The following C6orf163 variants were observed in gnomAD, a reference collection of about 807,000 sequenced individuals.
The protein encoded by C6orf163 is chromosome 6 open reading frame 163, also known as uncharacterized protein C6orf163.
Under a neutral mutation model 28.4 loss-of-function variants are expected in C6orf163, and 22 were observed. The ratio of observed to expected loss-of-function variants is 0.78; its 90% CI spans 0.55 to 1.11. The LOEUF (loss-of-function observed/expected upper bound fraction) is 1.11. Among genes scored for constraint, C6orf163 ranks in the 50% least tolerant of loss-of-function variants. C6orf163 has a pLI of 0.00. For synonymous variants in C6orf163, 110 were observed against 123.6 expected (o/e 0.89, Z 0.73); for missense variants, 342 against 389.1 (o/e 0.88, Z 1.02).
At chr6:87,354,970 A>G (rs1430989792) in intron 3 of C6orf163, among the ~76,000 whole-genome samples, 2 of 152,248 alleles carry the variant, frequency 1.3e-5, no homozygotes, top group Non-Finnish European at 2.9e-5. Context: ...AAGGGAGTTG[A>G]GCAATCTTCA....
At position 87,350,441 on chromosome 6, in the gene C6orf163, A is replaced by C; in HGVS notation, c.291A>C (p.Ala97=). The stretch of plus-strand genomic sequence containing the variant: ...CAGTGGAGAAAGCACTTGAAGAAGC[A>C]AATGACAGACACAAAATTGAAATTC... ...KQAVEKALEE[A]NDRHKIEIQI... is the part of the protein sequence containing the mutation. Residue 97 remains alanine, a synonymous_variant, in exon 3 of 5, where the codon GCA becomes GCC. Transcript: ENST00000388923. 6.5e-7 allele frequency: 1 copy of C among 1,536,396 alleles called. No individual in the cohort carries two copies. Among genetic ancestry groups the C allele is most frequent in the Non-Finnish European group, 8.7e-7 (1 of 1,146,514 alleles).
chr6:87,365,086 A>G lies in C6orf163; in HGVS notation c.680A>G (p.Gln227Arg), dbSNP rs1777626643. 6.4e-7 allele frequency: 1 copy of G among 1,552,048 alleles called. No individual in the cohort carries two copies. Among genetic ancestry groups the G allele is most frequent in the South Asian group, 1.2e-5 (1 of 84,062 alleles). Residue 227 changes from glutamine to arginine, a missense_variant, in exon 5 of 5, where the codon CAG (glutamine) becomes CGG (arginine). Coordinates refer to ENST00000388923, the MANE Select transcript of C6orf163 (RefSeq NM_001010868.3). The part of the protein sequence containing the change: ...MSILYGIAQR[Q>R]RQEEVQEVLQ... The stretch of plus-strand genomic sequence containing the variant: ...ATCCTCTATGGCATAGCTCAGAGGC[A>G]GAGGCAAGAAGAGGTACAGGAAGTG...
At chr6:87,350,595 T>G (rs1777398986) in intron 3 of C6orf163, 94 bp downstream of exon 3, 1 of 710,806 alleles carries the variant, frequency 1.4e-6, no homozygotes, top group Non-Finnish European at 2.3e-6. Flanking sequence ...AATAAGGAAA[T>G]CTAGACTGGT....
chr6:87,362,769 T>A, intron 4 of C6orf163, among the ~76,000 whole-genome samples: 1 of 152,028 alleles, frequency 6.6e-6, no homozygotes, highest in Non-Finnish European at 1.5e-5. Flanking sequence ...TCTTGGAGGA[T>A]GGAATTTAGG....
At chr6:87,354,375 C>G (rs1289484361) in intron 3 of C6orf163, among the ~76,000 whole-genome samples, 2 of 152,160 alleles carry the variant, frequency 1.3e-5, no homozygotes, top group African/African-American at 4.8e-5. Context: ...ATGACAGATA[C>G]AAGGGGCTCC....
chr6:87,356,155 A>G, intron 3 of C6orf163, 146 bp from the exon 4 acceptor site: 1 of 690,654 alleles, frequency 1.4e-6, no homozygotes, highest in Non-Finnish European at 2.4e-6. Flanking sequence ...AGTTTTCCAT[A>G]TCATACACAC....
intron 1 of C6orf163, chr6:87,347,514 A>G (rs1777343839): frequency 2.0e-6 from 2 of 985,304 alleles, no homozygotes; most frequent in Admixed American, 6.1e-5. Flanking sequence ...TTTCTACACA[A>G]TGTTGGGCTT....
At chr6:87,362,589 A>T (rs1406050651) in intron 4 of C6orf163, among the ~76,000 whole-genome samples, 1 of 152,216 alleles carries the variant, frequency 6.6e-6, no homozygotes, top group African/African-American at 2.4e-5. Flanking sequence ...CTCAATAATC[A>T]TTACCCCTGT....
intron 1 of C6orf163, among the ~76,000 whole-genome samples, chr6:87,346,814 TTAAA>T (rs1352401234): frequency 1.6e-5 from 2 of 122,804 alleles, no homozygotes; most frequent in East Asian, 4.7e-4. Context: ...TCCTTCACGT[TTAAA>T]TAACCTTTTT....
At chr6:87,346,051 C>T (rs546739415) in intron 1 of C6orf163, among the ~76,000 whole-genome samples, 2 of 140,140 alleles carry the variant, frequency 1.4e-5, no homozygotes, top group East Asian at 2.2e-4. Context: ...ACTGTACATA[C>T]GTATGTATAT....
At chr6:87,361,759 G>A (rs1458656232) in intron 4 of C6orf163, among the ~76,000 whole-genome samples, 1 of 152,168 alleles carries the variant, frequency 6.6e-6, no homozygotes, top group African/African-American at 2.4e-5. Flanking sequence ...CAGCAAGTTG[G>A]TTTTGATTCC....
chr6:87,345,688 G>A (rs1777311369), intron 1 of C6orf163, among the ~76,000 whole-genome samples: 1 of 152,018 alleles, frequency 6.6e-6, no homozygotes, highest in Admixed American at 6.6e-5. Context: ...TTGGGTGGTC[G>A]AGGTGGGCAG....
At chr6:87,357,967 A>G (rs1777530411) in intron 4 of C6orf163, 1 of 152,220 alleles carries the variant, frequency 6.6e-6, no homozygotes, top group Admixed American at 6.5e-5. Flanking sequence ...CCTGGAAGAA[A>G]GTCTGGCACA....
intron 3 of C6orf163, among the ~76,000 whole-genome samples, chr6:87,351,628 T>C (rs1038432358): frequency 1.5e-4 from 23 of 152,350 alleles, no homozygotes; most frequent in African/African-American, 5.3e-4. Flanking sequence ...ATTTATAGCA[T>C]GTCTTAGGCA....
chr6:87,356,262 A>C, intron 3 of C6orf163, 39 bp from the exon 4 acceptor site: 1 of 1,512,180 alleles, frequency 6.6e-7, no homozygotes, highest in Non-Finnish European at 9.0e-7. Context: ...TTAAACATTA[A>C]GTCTGTAATA....
In C6orf163 at chr6:87,360,278, A is replaced by T. The variant is rs1386766243; in HGVS notation, c.554+3775A>T. On this transcript the variant is annotated intron_variant, in intron 4 of 4. Transcript: ENST00000388923. ...TAAGCTTTCTAGGCCCTCTTTCGAT[A>T]AAAAAAATACAGGTAGACTAATTTA... Among the ~76,000 whole-genome samples, 12 of 49,720 alleles carry T rather than the reference A, an allele frequency of 2.4e-4. No homozygotes were observed. The East Asian group carries it at 5.1e-3, about 21-fold the overall frequency. The allele number at this position is 49,720 out of a possible 152,430, so 32.6% of individuals were successfully genotyped here.
chr6:87,353,590 AT>A (rs530758474), intron 3 of C6orf163, among the ~76,000 whole-genome samples: 123 of 152,306 alleles, frequency 8.1e-4, no homozygotes, highest in African/African-American at 2.9e-3. Flanking sequence ...CTGAAAAAAA[AT>A]ATTGATTCAT....
chr6:87,354,364 T>C (rs1285881522), intron 3 of C6orf163, among the ~76,000 whole-genome samples: 1 of 152,226 alleles, frequency 6.6e-6, no homozygotes, highest in Non-Finnish European at 1.5e-5. Flanking sequence ...TGGAGTCATT[T>C]ATGACAGATA....
intron 3 of C6orf163, among the ~76,000 whole-genome samples, chr6:87,355,748 A>G (rs984764553): frequency 6.6e-6 from 1 of 152,078 alleles, no homozygotes; most frequent in Non-Finnish European, 1.5e-5. Flanking sequence ...CTTCTTGTAT[A>G]TGTAGCTTCT....
Sources: gnomAD v4.1 joint callset for allele counts (sites outside exome capture counted in the v4.1 genomes callset) on GRCh38, gnomAD v4.1.1 for gene constraint, MANE v1.5 for transcripts, NCBI Gene and HGNC (gene_info 2026-07-23, HGNC 2026-07-21) for gene names.